IMMP2L: variants seen among roughly 807,000 people sequenced by gnomAD.
IMMP2L encodes the protein mitochondrial inner membrane protease subunit 2.
IMMP2L carries 18 observed loss-of-function variants against 19.3 expected under a neutral mutation model. The observed-to-expected ratio is 0.93, with a 90% CI of 0.64 to 1.38. The LOEUF (loss-of-function observed/expected upper bound fraction) is 1.38. Ranked by LOEUF, IMMP2L falls within the 40% of genes most tolerant of loss-of-function variation. IMMP2L has a pLI of 0.00. For synonymous variants in IMMP2L, 76 were observed against 73.0 expected (o/e 1.04, Z -0.21); for missense variants, 233 against 218.2 (o/e 1.07, Z -0.43).
chr7:111,184,236 GA>G (rs911078417), intron 3 of IMMP2L, among the ~76,000 whole-genome samples: 3 of 151,802 alleles, frequency 2.0e-5, no homozygotes, highest in African/African-American at 7.3e-5. Context: ...AAATAGGGGG[GA>G]AAATAATGGA....
chr7:110,742,071 A>G (rs1797024219), intron 5 of IMMP2L, among the ~76,000 whole-genome samples: 1 of 152,228 alleles, frequency 6.6e-6, no homozygotes, highest in South Asian at 2.1e-4. Flanking sequence ...TAGACGCTTA[A>G]CGTAGCCTCA....
At chr7:110,900,821 G>T (rs910140544) in intron 4 of IMMP2L, among the ~76,000 whole-genome samples, 3 of 152,078 alleles carry the variant, frequency 2.0e-5, no homozygotes, top group African/African-American at 7.2e-5. Flanking sequence ...CCAGAGGGTG[G>T]GTCGGGGTGG....
chr7:111,237,144 C>T (rs1291637357), intron 3 of IMMP2L, among the ~76,000 whole-genome samples: 2 of 152,070 alleles, frequency 1.3e-5, no homozygotes, highest in Non-Finnish European at 2.9e-5. Flanking sequence ...ATAAATATTT[C>T]CACACCCAGA....
intron 3 of IMMP2L, among the ~76,000 whole-genome samples, chr7:111,080,887 G>C (rs1795833955): frequency 6.6e-6 from 1 of 152,170 alleles, no homozygotes; most frequent in Non-Finnish European, 1.5e-5. Flanking sequence ...GTAAGTTTCA[G>C]TATTAGAATT....
chr7:111,027,970 C>T (rs1827031082), intron 3 of IMMP2L, among the ~76,000 whole-genome samples: 1 of 151,786 alleles, frequency 6.6e-6, no homozygotes, highest in African/African-American at 2.4e-5. Flanking sequence ...GCAAATGAAA[C>T]ATTTAATAAG....
At chr7:111,474,359 T>C (rs907609040) in intron 3 of IMMP2L, among the ~76,000 whole-genome samples, 2 of 152,028 alleles carry the variant, frequency 1.3e-5, no homozygotes, top group African/African-American at 2.4e-5. Flanking sequence ...GTCCACAATA[T>C]GATAAAGTGT....
chr7:110,788,931 G>A (rs1351025291), intron 5 of IMMP2L, among the ~76,000 whole-genome samples: 2 of 151,728 alleles, frequency 1.3e-5, no homozygotes. Flanking sequence ...TGATGTCTAA[G>A]ACTAGATCAT....
intron 3 of IMMP2L, among the ~76,000 whole-genome samples, chr7:111,272,957 A>G (rs1818628907): frequency 6.6e-6 from 1 of 152,144 alleles, no homozygotes; most frequent in Non-Finnish European, 1.5e-5. Flanking sequence ...GAGTATAAAG[A>G]ACATTACAAA....
intron 5 of IMMP2L, among the ~76,000 whole-genome samples, chr7:110,670,801 A>C (rs1382398264): frequency 6.6e-6 from 1 of 152,208 alleles, no homozygotes; most frequent in Non-Finnish European, 1.5e-5. Context: ...GAACAAAGAA[A>C]TATGTTGAGA....
chr7:111,134,336 T>G (rs568698020), intron 3 of IMMP2L, among the ~76,000 whole-genome samples: 2 of 152,154 alleles, frequency 1.3e-5, no homozygotes, highest in Non-Finnish European at 2.9e-5. Context: ...ATTGGAACGT[T>G]GAACTCAAAA....
chr7:110,814,650 T>C (rs912605636), intron 5 of IMMP2L, among the ~76,000 whole-genome samples: 2 of 149,602 alleles, frequency 1.3e-5, no homozygotes, highest in African/African-American at 4.9e-5. Flanking sequence ...GGACTTACTC[T>C]ATCGCTCAGA....
At chr7:111,172,410 T>C (rs1449028092) in intron 3 of IMMP2L, among the ~76,000 whole-genome samples, 1 of 151,618 alleles carries the variant, frequency 6.6e-6, no homozygotes, top group Non-Finnish European at 1.5e-5. Context: ...AATGTTACAT[T>C]TTCATACATG....
At chr7:110,825,564 C>T (rs1462884796) in intron 5 of IMMP2L, among the ~76,000 whole-genome samples, 1 of 152,066 alleles carries the variant, frequency 6.6e-6, no homozygotes, top group African/African-American at 2.4e-5. Context: ...TTTGACAAAC[C>T]TGACAAAAAC....
chr7:111,059,596 T>TGGCTAAAAC (rs1563202051), intron 3 of IMMP2L, among the ~76,000 whole-genome samples: 1 of 152,018 alleles, frequency 6.6e-6, no homozygotes. Flanking sequence ...GGGACTAAAA[T>TGGCTAAAAC]AGTGGCTAAA....
intron 3 of IMMP2L, among the ~76,000 whole-genome samples, chr7:111,237,701 AC>A (rs1473965094): frequency 1.3e-5 from 2 of 151,884 alleles, no homozygotes; most frequent in African/African-American, 4.8e-5. Flanking sequence ...AAAAAAAAAA[AC>A]TTTAGGACAA....
At chr7:110,741,804 AT>A (rs1384359758) in intron 5 of IMMP2L, among the ~76,000 whole-genome samples, 1 of 152,230 alleles carries the variant, frequency 6.6e-6, no homozygotes, top group Non-Finnish European at 1.5e-5. Context: ...TAAAATAAAA[AT>A]TAAACATAAA....
At chr7:111,088,687 C>G (rs769697439) in intron 3 of IMMP2L, among the ~76,000 whole-genome samples, 12 of 152,098 alleles carry the variant, frequency 7.9e-5, no homozygotes, top group Non-Finnish European at 1.6e-4. Context: ...TTCAAAAACC[C>G]TAAAATCCTT....
At chr7:111,353,320 G>T (rs1455141803) in intron 3 of IMMP2L, among the ~76,000 whole-genome samples, 1 of 152,128 alleles carries the variant, frequency 6.6e-6, no homozygotes, top group Non-Finnish European at 1.5e-5. Context: ...GGGCTGCCAT[G>T]TCTCCTGAAC....
At chr7:111,039,586 T>TC (rs746842317) in intron 3 of IMMP2L, among the ~76,000 whole-genome samples, 5 of 152,182 alleles carry the variant, frequency 3.3e-5, no homozygotes, top group African/African-American at 1.2e-4. Context: ...CAGTGAGCTC[T>TC]CCCCCCTTTG....
Sources: gnomAD v4.1 joint callset for allele counts (sites outside exome capture counted in the v4.1 genomes callset) on GRCh38, gnomAD v4.1.1 for gene constraint, MANE v1.5 for transcripts, NCBI Gene and HGNC (gene_info 2026-07-23, HGNC 2026-07-21) for gene names.